Variants in ZNF224 observed in about 807,000 individuals in gnomAD.
The protein encoded by ZNF224 is zinc finger protein 224.
In ZNF224, 8 loss-of-function variants were observed where a neutral mutation model predicts 10.5. The ratio of observed to expected loss-of-function variants is 0.76; its 90% CI spans 0.45 to 1.37. ZNF224 has a LOEUF of 1.37. Ranked by LOEUF, ZNF224 falls within the 40% of genes most tolerant of loss-of-function variation. The pLI, the probability that ZNF224 is intolerant of heterozygous loss-of-function variation, is 0.00. For missense variants in ZNF224, 754 were observed against 854.0 expected (o/e 0.88, Z 1.46); for synonymous variants, 282 against 287.8 (o/e 0.98, Z 0.20).
At chr19:44,104,595 C>T (rs1220996265) in intron 5 of ZNF224, among the ~76,000 whole-genome samples, 4 of 151,846 alleles carry the variant, frequency 2.6e-5, no homozygotes, top group Non-Finnish European at 4.4e-5. Flanking sequence ...GAGTAGGATG[C>T]GTTAAATTCC....
chr19:44,097,093 A>G, intron 2 of ZNF224: 1 of 226,958 alleles, frequency 4.4e-6, no homozygotes, highest in Non-Finnish European at 9.1e-6. Flanking sequence ...AAAGTTACTT[A>G]AAAAAAATTG....
chr19:44,100,304 T>C (rs899457885), intron 3 of ZNF224, among the ~76,000 whole-genome samples: 1 of 152,200 alleles, frequency 6.6e-6, no homozygotes, highest in Non-Finnish European at 1.5e-5. Flanking sequence ...ATGTAGTTTT[T>C]GCCTGGAGAG....
chr19:44,107,502 C>T lies in ZNF224; in HGVS notation c.1342C>T (p.Arg448Cys), dbSNP rs369695391. 1.1e-4 allele frequency: 176 copies of T among 1,600,410 alleles called. 1 individual carries two copies. The highest frequency in any genetic ancestry group is 7.6e-4 in the East Asian group (34 of 44,478). Residue 448 changes from arginine (R) to cysteine (C), a missense_variant, in exon 6 of 6, where the codon CGC becomes TGC. Transcript: ENST00000693561. ...GAGGTTGGATCTTGACTTTCACCAG[C>T]GCGTCCATACAGGAGAGAAACTGTA... The part of the protein sequence containing the change: ...KRRLDLDFHQ[R>C]VHTGEKLYNC...
chr19:44,098,771 G>C (rs1568529033), intron 3 of ZNF224, among the ~76,000 whole-genome samples: 1 of 152,100 alleles, frequency 6.6e-6, no homozygotes, highest in Non-Finnish European at 1.5e-5. Context: ...TAGAGACAGG[G>C]TTTCTCCATG....
chr19:44,098,264 A>AT (rs1392371062), intron 3 of ZNF224, among the ~76,000 whole-genome samples: 2 of 152,194 alleles, frequency 1.3e-5, no homozygotes, highest in Non-Finnish European at 2.9e-5. Context: ...TATAATGTTC[A>AT]TTTTTAATGG....
Position 44,106,443 on chromosome 19 carries a change from C to T in ZNF224, c.283C>T (p.His95Tyr), listed in dbSNP as rs996262187. 9.3e-6 allele frequency: 15 copies of T among 1,614,040 alleles called. No individual in the cohort carries two copies. The highest frequency in any genetic ancestry group is 2.2e-5 in the East Asian group (1 of 44,884). Reference protein sequence around the residue: ...EMETVSEAGTHQEWSFQQIWE... With the variant: ...EMETVSEAGTYQEWSFQQIWE... Reference sequence around the variant, plus strand: ...GGAGACTGTTTCAGAAGCAGGAACACATCAAGAGTGGTCCTTCCAGCAAAT... The same window carrying T: ...GGAGACTGTTTCAGAAGCAGGAACATATCAAGAGTGGTCCTTCCAGCAAAT... Residue 95 changes from histidine (H) to tyrosine (Y), a missense_variant, in exon 6 of 6, where the codon CAT becomes TAT. By Grantham distance (83) the His-to-Tyr change is moderately conservative. Coordinates refer to ENST00000693561, the MANE Select transcript of ZNF224 (RefSeq NM_001321645.3).
rs3746322 is a variant in ZNF224, at chr19:44,107,804, T to G, written c.1644T>G (p.Ser548Arg). ...RPYNCKECGK[S>R]FGWASCLLKH... ...ACAATTGTAAGGAATGTGGGAAGAGTTTTGGCTGGGCCTCGTGTCTTTTGA... is the reference window on the plus strand; with the variant it reads ...ACAATTGTAAGGAATGTGGGAAGAGGTTTGGCTGGGCCTCGTGTCTTTTGA... Residue 548 changes from serine to arginine, a missense_variant, in exon 6 of 6, where the codon AGT (serine) becomes AGG (arginine). Transcript: ENST00000693561. The G allele has an allele frequency of 6.2e-7, 1 of 1,610,756 alleles. No individual in the cohort carries two copies. Among genetic ancestry groups the G allele is most frequent in the Non-Finnish European group, 8.5e-7 (1 of 1,178,892 alleles).
Position 44,097,813 on chromosome 19 carries a change from T to A in ZNF224, c.-61T>A. The A allele has an allele frequency of 5.0e-6, 8 of 1,598,600 alleles. No individual in the cohort carries two copies. The Admixed American group carries it at 1.4e-4, about 28-fold the overall frequency. Reference sequence around the variant, plus strand: ...TTTCCTGGCACTTTGCAGGCACAATTCTGCTTTCCCAGGAACTGCATCACT... The same window carrying A: ...TTTCCTGGCACTTTGCAGGCACAATACTGCTTTCCCAGGAACTGCATCACT... On this transcript the variant is annotated 5_prime_UTR_variant, in exon 3 of 6. Transcript: ENST00000693561.
At position 44,101,230 on chromosome 19, in the gene ZNF224, GAATC is replaced by G; in HGVS notation, c.235+8_235+11del. On this transcript the variant is annotated splice_donor_region_variant and intron_variant, in intron 5 of 5. Coordinates refer to ENST00000693561, the MANE Select transcript of ZNF224 (RefSeq NM_001321645.3). ...TCCAAAGGGAAGGGAATTCAGGTAA[GAATC>G]AAGCAACTGTGAATCCCTGTATGTC... is the stretch of plus-strand genomic sequence containing the variant. 1 of 1,613,166 alleles carries G rather than the reference GAATC, an allele frequency of 6.2e-7. No homozygotes were observed. Among genetic ancestry groups the G allele is most frequent in the Non-Finnish European group, 8.5e-7 (1 of 1,179,276 alleles).
rs775350960 is a variant in ZNF224, at chr19:44,106,735, G to A, written c.575G>A (p.Arg192His). The part of the protein sequence containing the change: ...GKNFCYISAL[R>H]IHQRVHMGEK... ...AACTTTTGTTACATCTCAGCCCTTC[G>A]TATTCATCAGAGAGTCCACATGGGA... Residue 192 changes from arginine (R) to histidine (H), a missense_variant, in exon 6 of 6, where the codon CGT becomes CAT. Coordinates refer to ENST00000693561, the MANE Select transcript of ZNF224 (RefSeq NM_001321645.3). 1.2e-5 allele frequency: 20 copies of A among 1,610,644 alleles called. No homozygotes were observed. Among genetic ancestry groups the A allele is most frequent in the East Asian group, 4.5e-5 (2 of 44,888 alleles).
chr19:44,105,060 C>G (rs777919506), intron 5 of ZNF224, among the ~76,000 whole-genome samples: 30 of 152,206 alleles, frequency 2.0e-4, no homozygotes, highest in Non-Finnish European at 3.8e-4. Flanking sequence ...GCCACTGATT[C>G]CATGTAACCT....
At chr19:44,102,740 A>G (rs1379492164) in intron 5 of ZNF224, among the ~76,000 whole-genome samples, 3 of 152,236 alleles carry the variant, frequency 2.0e-5, no homozygotes, top group South Asian at 2.1e-4. Context: ...CATAGGAAGC[A>G]TATTCATTTC....
Position 44,109,771 on chromosome 19 carries a change from A to G in ZNF224, c.*1487A>G, listed in dbSNP as rs879458401. 1.3e-5 allele frequency: 2 copies of G among 152,218 alleles called. No homozygotes were observed. The highest frequency in any genetic ancestry group is 2.9e-5 in the Non-Finnish European group (2 of 68,030). 9.4% of individuals were successfully genotyped at this position (152,218 alleles called of 1,614,324 possible). A position where few individuals can be genotyped will look rare whatever the true frequency, so the allele number is the denominator to read the frequency against. On this transcript the variant is annotated 3_prime_UTR_variant, in exon 6 of 6. Transcript: ENST00000693561. ...ACACAATAACAAAAGGAGAAAAACAATGTGGCTTTTTTTAGCCTTCATAAC... is the reference window on the plus strand; with the variant it reads ...ACACAATAACAAAAGGAGAAAAACAGTGTGGCTTTTTTTAGCCTTCATAAC...
At position 44,107,712 on chromosome 19, in the gene ZNF224, G is replaced by A; in HGVS notation, c.1552G>A (p.Gly518Arg). 1 of 1,613,778 alleles carries A rather than the reference G, an allele frequency of 6.2e-7. No individual in the cohort carries two copies. The highest frequency in any genetic ancestry group is 1.1e-5 in the South Asian group (1 of 91,076). The stretch of plus-strand genomic sequence containing the variant: ...AAAGCCATACAAATGTGAGAAGTGT[G>A]GAAAGGGCTACAATAGTAAGTTTAA... ...GEKPYKCEKC[G>R]KGYNSKFNLD... is the part of the protein sequence containing the mutation. Residue 518 changes from glycine (G) to arginine (R), a missense_variant, in exon 6 of 6, where the codon GGA becomes AGA. Gly to Arg is a moderately radical substitution (Grantham distance 125, BLOSUM62 -2). Transcript: ENST00000693561.
In ZNF224 at chr19:44,105,708, T is replaced by G. The variant is rs1967642778; in HGVS notation, c.236-688T>G. 2.0e-5 allele frequency: 3 copies of G among 152,696 alleles called. No homozygotes were observed. The South Asian group carries it at 6.2e-4, about 31-fold the overall frequency. The allele number at this position is 152,696 out of a possible 1,614,324, so 9.5% of individuals were successfully genotyped here. The stretch of plus-strand genomic sequence containing the variant: ...TTTTGAGTCTCCATAGTCCATTATA[T>G]CACTCTGTATGCCTTTGCATACCCA... On this transcript the variant is annotated intron_variant, in intron 5 of 5. Coordinates refer to ENST00000693561, the MANE Select transcript of ZNF224 (RefSeq NM_001321645.3).
Position 44,107,024 on chromosome 19 carries a change from C to T in ZNF224, c.864C>T (p.Phe288=). Residue 288 remains phenylalanine (F), a synonymous_variant, in exon 6 of 6, where the codon TTC becomes TTT. Coordinates refer to ENST00000693561, the MANE Select transcript of ZNF224 (RefSeq NM_001321645.3). ...GAATCCATACGGGGGAGAAGCCATT[C>T]AAATGTGATATATGTGGTAAGAGCT... ...HQRIHTGEKP[F]KCDICGKSFC... The T allele has an allele frequency of 6.2e-7, 1 of 1,606,460 alleles. No homozygotes were observed. Among genetic ancestry groups the T allele is most frequent in the Middle Eastern group, 1.7e-4 (1 of 6,010 alleles).
chr19:44,102,134 G>A (rs1046536650), intron 5 of ZNF224, among the ~76,000 whole-genome samples: 1 of 152,180 alleles, frequency 6.6e-6, no homozygotes, highest in Admixed American at 6.5e-5. Context: ...CTCTACAGAA[G>A]CTTCTGTCTC....
chr19:44,102,929 G>A (rs917756324), intron 5 of ZNF224, among the ~76,000 whole-genome samples: 5 of 152,120 alleles, frequency 3.3e-5, no homozygotes, highest in Admixed American at 6.5e-5. Flanking sequence ...CTGCATGCAC[G>A]TCACTGACCC....
In ZNF224 at chr19:44,106,834, T is replaced by A; in HGVS notation, c.674T>A (p.Val225Asp). The change falls in exon 6 of 6, where the codon GTC becomes GAC. Residue 225 changes from valine to aspartate, a missense_variant. Physicochemically the swap from Val to Asp is radical, Grantham distance 152. Transcript: ENST00000693561. ...TCACATCTGCAAACTCATCAGAGAG[T>A]CCACACTGGAGAGAAACCGTTCAAA... ...QSSHLQTHQR[V>D]HTGEKPFKCV... The A allele has an allele frequency of 6.2e-7, 1 of 1,613,450 alleles. No homozygotes were observed. Among genetic ancestry groups the A allele is most frequent in the East Asian group, 2.2e-5 (1 of 44,862 alleles).
Sources: allele counts gnomAD v4.1 joint callset (sites outside exome capture counted in the v4.1 genomes callset), GRCh38; gene constraint gnomAD v4.1.1; transcripts MANE v1.5; gene names NCBI Gene and HGNC (gene_info 2026-07-23, HGNC 2026-07-21).